GRM8: variants seen among roughly 807,000 people sequenced by gnomAD.
GRM8 encodes the protein metabotropic glutamate receptor 8.
Under a neutral mutation model 87.2 loss-of-function variants are expected in GRM8, and 47 were observed. The observed-to-expected ratio is 0.54, with a 90% confidence interval of 0.43 to 0.69. GRM8 has a LOEUF of 0.69. GRM8 is among the 30% of genes least tolerant of loss of function. The pLI is 0.00. For missense variants in GRM8, 1,019 were observed against 1,139.2 expected, an observed-to-expected ratio of 0.89 and a Z score of 1.52; for synonymous variants, 396 against 404.5, an observed-to-expected ratio of 0.98 and a Z score of 0.25.
chr7:127,029,484 C>T (rs1221881455), intron 3 of GRM8, among the ~76,000 whole-genome samples: 1 of 152,126 alleles, frequency 6.6e-6, no homozygotes, highest in Non-Finnish European at 1.5e-5. Context: ...CTTTGTAGGT[C>T]TCTAAGAACT....
At chr7:126,527,177 G>A (rs987291893) in intron 9 of GRM8, among the ~76,000 whole-genome samples, 14 of 152,100 alleles carry the variant, frequency 9.2e-5, no homozygotes, top group African/African-American at 3.1e-4. Flanking sequence ...TGGCCAATAT[G>A]GTGAAACCCC....
chr7:127,209,518 C>T (rs759772601), intron 2 of GRM8, among the ~76,000 whole-genome samples: 1 of 152,212 alleles, frequency 6.6e-6, no homozygotes, highest in Non-Finnish European at 1.5e-5. Flanking sequence ...AATTCCACAC[C>T]TTCAGAGCTA....
rs952086412 is a variant in GRM8, at chr7:126,483,171, ACTTC to A, written c.2431-36803_2431-36800del. 6.1e-5 allele frequency among the ~76,000 whole-genome samples: 9 copies of A among 148,056 alleles called. No homozygotes were observed. The South Asian group carries it at 6.4e-4, about 10-fold the overall frequency. ...TAAAATCCTTCCTTCCTTTCCTTCA[ACTTC>A]CTTCCTTCCTTCCTTCATCATGATG... On this transcript the variant is annotated intron_variant, in intron 9 of 10. Transcript: ENST00000339582.
At chr7:127,052,110 A>T (rs1389245625) in intron 3 of GRM8, among the ~76,000 whole-genome samples, 1 of 152,200 alleles carries the variant, frequency 6.6e-6, no homozygotes, top group African/African-American at 2.4e-5. Context: ...TAAGAAAAAA[A>T]AATCAGTTGG....
At chr7:126,686,787 G>A (rs1246665310) in intron 7 of GRM8, among the ~76,000 whole-genome samples, 1 of 152,226 alleles carries the variant, frequency 6.6e-6, no homozygotes, top group Admixed American at 6.5e-5. Flanking sequence ...AATGAGCCCA[G>A]CAGGCCCAGT....
intron 2 of GRM8, among the ~76,000 whole-genome samples, chr7:127,180,268 G>A (rs1213449567): frequency 6.6e-6 from 1 of 151,988 alleles, no homozygotes; most frequent in Non-Finnish European, 1.5e-5. Context: ...ATAAATTATT[G>A]TAAAGATACA....
At chr7:126,666,126 T>C (rs1209353250) in intron 7 of GRM8, among the ~76,000 whole-genome samples, 1 of 152,222 alleles carries the variant, frequency 6.6e-6, no homozygotes, top group Admixed American at 6.5e-5. Flanking sequence ...GACGGAAATA[T>C]GAATTGTCAT....
chr7:126,477,622 A>AGAAC (rs1554446160), intron 9 of GRM8, among the ~76,000 whole-genome samples: 4,474 of 143,968 alleles, frequency 0.031, 137 homozygotes, highest in Admixed American at 0.041. Flanking sequence ...AAAGAAAGAA[A>AGAAC]GAAAGAAAGA....
At chr7:126,838,418 C>T (rs775884030) in intron 6 of GRM8, among the ~76,000 whole-genome samples, 1 of 152,240 alleles carries the variant, frequency 6.6e-6, no homozygotes, top group African/African-American at 2.4e-5. Flanking sequence ...GGGGTTTTTG[C>T]ACTTATATGC....
intron 6 of GRM8, among the ~76,000 whole-genome samples, chr7:126,849,469 A>G (rs1419844773): frequency 1.3e-5 from 2 of 152,198 alleles, no homozygotes; most frequent in Non-Finnish European, 2.9e-5. Context: ...TACATTTCCT[A>G]TTATATGTTT....
chr7:126,812,035 T>C (rs1212946472), intron 6 of GRM8, among the ~76,000 whole-genome samples: 1 of 151,936 alleles, frequency 6.6e-6, no homozygotes, highest in Non-Finnish European at 1.5e-5. Flanking sequence ...ATATGCATTA[T>C]TCTGGTGAAG....
intron 6 of GRM8, among the ~76,000 whole-genome samples, chr7:126,814,143 C>T (rs1368754431): frequency 6.6e-6 from 1 of 151,984 alleles, no homozygotes; most frequent in African/African-American, 2.4e-5. Flanking sequence ...CAGTATTAGA[C>T]TACCCTGCTA....
At chr7:127,162,871 G>A (rs1469695252) in intron 2 of GRM8, among the ~76,000 whole-genome samples, 1 of 152,162 alleles carries the variant, frequency 6.6e-6, no homozygotes, top group Non-Finnish European at 1.5e-5. Context: ...ATCAAGATTG[G>A]ATGAAAATAA....
At chr7:126,703,218 C>T (rs974718832) in intron 7 of GRM8, among the ~76,000 whole-genome samples, 6 of 152,106 alleles carry the variant, frequency 3.9e-5, no homozygotes, top group African/African-American at 1.2e-4. Flanking sequence ...GTCAGTAGTA[C>T]TAGCAGGGGT....
intron 6 of GRM8, among the ~76,000 whole-genome samples, chr7:126,891,391 A>T (rs1586343376): frequency 6.6e-6 from 1 of 151,996 alleles, no homozygotes; most frequent in South Asian, 2.1e-4. Context: ...AGCCAGAATA[A>T]TCTTTCTAAG....
At chr7:127,019,684 G>A (rs546635318) in intron 3 of GRM8, among the ~76,000 whole-genome samples, 3 of 151,926 alleles carry the variant, frequency 2.0e-5, no homozygotes, top group Non-Finnish European at 4.4e-5. Context: ...GTCCATTGCC[G>A]CACAAATTTC....
chr7:126,829,046 A>T (rs1795092807), intron 6 of GRM8, among the ~76,000 whole-genome samples: 1 of 152,166 alleles, frequency 6.6e-6, no homozygotes. Flanking sequence ...TTCTAGTATG[A>T]TCGCACTGTG....
chr7:126,805,713 T>C (rs963089863), intron 6 of GRM8, among the ~76,000 whole-genome samples: 1 of 152,212 alleles, frequency 6.6e-6, no homozygotes, highest in Non-Finnish European at 1.5e-5. Flanking sequence ...GTTTTGTTAT[T>C]GTCTCCCATT....
At chr7:126,936,931 T>C (rs1433455340) in intron 3 of GRM8, among the ~76,000 whole-genome samples, 2 of 152,254 alleles carry the variant, frequency 1.3e-5, no homozygotes, top group Non-Finnish European at 2.9e-5. Flanking sequence ...GTTACAGCAG[T>C]TTAGCCTGTA....
Sources: allele counts gnomAD v4.1 joint callset (sites outside exome capture counted in the v4.1 genomes callset), GRCh38; gene constraint gnomAD v4.1.1; transcripts MANE v1.5; gene names NCBI Gene and HGNC (gene_info 2026-07-23, HGNC 2026-07-21).